AUTS2: variants seen among roughly 807,000 people sequenced by gnomAD.
The protein encoded by AUTS2 is activator of transcription and developmental regulator AUTS2, also known as autism susceptibility gene 2 protein.
AUTS2 carries 17 observed loss-of-function variants against 112.4 expected under a neutral mutation model. The ratio of observed to expected loss-of-function variants is 0.15; its 90% CI spans 0.10 to 0.23. The LOEUF is 0.23. AUTS2 is among the 10% of genes least tolerant of loss of function. AUTS2 has a pLI of 1.00. For missense variants in AUTS2, 1,510 were observed against 1,701.6 expected (o/e 0.89, Z 1.98); for synonymous variants, 751 against 702.7 (o/e 1.07, Z -1.09).
At chr7:70,742,303 G>A (rs1442004580) in intron 6 of AUTS2, among the ~76,000 whole-genome samples, 1 of 152,154 alleles carries the variant, frequency 6.6e-6, no homozygotes, top group African/African-American at 2.4e-5. Context: ...CCCGCCAGAG[G>A]AATATCTCAT....
chr7:69,722,576 T>G (rs562839395), intron 1 of AUTS2, among the ~76,000 whole-genome samples: 2 of 152,132 alleles, frequency 1.3e-5, no homozygotes, highest in African/African-American at 4.8e-5. Flanking sequence ...GCTCGAGTGA[T>G]CCGCCTGCCT....
At chr7:70,361,222 A>C (rs996507558) in intron 4 of AUTS2, among the ~76,000 whole-genome samples, 2 of 151,962 alleles carry the variant, frequency 1.3e-5, no homozygotes, top group African/African-American at 4.8e-5. Context: ...AGTCCCAGCT[A>C]CTCGGGAGGC....
chr7:70,175,549 T>G (rs952017110), intron 4 of AUTS2, among the ~76,000 whole-genome samples: 1 of 152,188 alleles, frequency 6.6e-6, no homozygotes, highest in African/African-American at 2.4e-5. Flanking sequence ...AAGAGTCAGT[T>G]GATGGAGCAA....
chr7:69,853,359 G>T (rs1749974079), intron 1 of AUTS2, among the ~76,000 whole-genome samples: 1 of 151,970 alleles, frequency 6.6e-6, no homozygotes, highest in Admixed American at 6.6e-5. Context: ...TTGATTGATT[G>T]ACTTACATAT....
intron 4 of AUTS2, among the ~76,000 whole-genome samples, chr7:70,182,739 G>A (rs990302034): frequency 7.9e-5 from 12 of 151,730 alleles, no homozygotes; most frequent in African/African-American, 2.4e-4. Flanking sequence ...AAGTGGGATA[G>A]GTTGAGAAGA....
intron 5 of AUTS2, among the ~76,000 whole-genome samples, chr7:70,693,721 C>T (rs1481220629): frequency 6.6e-6 from 1 of 152,264 alleles, no homozygotes; most frequent in Non-Finnish European, 1.5e-5. Flanking sequence ...ATGTGACTGG[C>T]TTGGTGGCAA....
intron 2 of AUTS2, among the ~76,000 whole-genome samples, chr7:69,985,861 T>A (rs1468325582): frequency 6.6e-6 from 1 of 152,074 alleles, no homozygotes; most frequent in African/African-American, 2.4e-5. Context: ...GTTCAAGTGA[T>A]CCTCCAGCCT....
At chr7:69,629,638 A>C (rs1406652330) in intron 1 of AUTS2, among the ~76,000 whole-genome samples, 1 of 152,154 alleles carries the variant, frequency 6.6e-6, no homozygotes, top group Non-Finnish European at 1.5e-5. Flanking sequence ...GTAATGTAGT[A>C]AATGTAATGG....
chr7:70,617,937 C>T (rs1804465453), intron 5 of AUTS2, among the ~76,000 whole-genome samples: 1 of 152,202 alleles, frequency 6.6e-6, no homozygotes. Context: ...CCCAGTATTT[C>T]TGATTGTCTT....
At chr7:70,339,293 T>G (rs896858717) in intron 4 of AUTS2, among the ~76,000 whole-genome samples, 5 of 152,224 alleles carry the variant, frequency 3.3e-5, no homozygotes, top group Admixed American at 2.6e-4. Context: ...ATTGTTATTA[T>G]CTCTTTGCAC....
intron 4 of AUTS2, among the ~76,000 whole-genome samples, chr7:70,406,005 T>A (rs905522516): frequency 6.6e-6 from 1 of 152,184 alleles, no homozygotes; most frequent in Non-Finnish European, 1.5e-5. Context: ...TTCATGGTGG[T>A]GGTGGCGGCC....
chr7:70,609,751 GA>G (rs2129533066), intron 5 of AUTS2, among the ~76,000 whole-genome samples: 1 of 152,086 alleles, frequency 6.6e-6, no homozygotes, highest in South Asian at 2.1e-4. Context: ...TTTTAAGACT[GA>G]ATAGGATCCA....
chr7:70,172,728 C>A (rs890058749), intron 4 of AUTS2, among the ~76,000 whole-genome samples: 1 of 152,144 alleles, frequency 6.6e-6, no homozygotes, highest in Non-Finnish European at 1.5e-5. Context: ...AGTGCTATTG[C>A]CTGCCAAAGC....
At chr7:70,689,372 C>A (rs551924892) in intron 5 of AUTS2, among the ~76,000 whole-genome samples, 19 of 152,026 alleles carry the variant, frequency 1.2e-4, no homozygotes, top group African/African-American at 4.3e-4. Context: ...TAGAGCAAGA[C>A]CCTATCTCAG....
chr7:70,183,821 TTCTG>T (rs1270097446), intron 4 of AUTS2, among the ~76,000 whole-genome samples: 4 of 148,880 alleles, frequency 2.7e-5, no homozygotes, highest in South Asian at 2.1e-4. Context: ...ATTGTCCTTT[TTCTG>T]TCTTTTTCTT....
intron 6 of AUTS2, among the ~76,000 whole-genome samples, chr7:70,702,401 C>T (rs6978189): frequency 0.1 from 15,487 of 152,228 alleles, 1,226 homozygotes; most frequent in East Asian, 0.42. Flanking sequence ...CACAGATAGA[C>T]GATGACAAGT....
At chr7:70,271,328 A>G (rs1435375528) in intron 4 of AUTS2, among the ~76,000 whole-genome samples, 1 of 152,134 alleles carries the variant, frequency 6.6e-6, no homozygotes, top group Non-Finnish European at 1.5e-5. Flanking sequence ...AGTCTTACCA[A>G]TTATTATTAA....
At chr7:70,254,125 GT>G (rs1398401337) in intron 4 of AUTS2, among the ~76,000 whole-genome samples, 1 of 152,064 alleles carries the variant, frequency 6.6e-6, no homozygotes, top group Admixed American at 6.5e-5. Flanking sequence ...ATTCTGTTTA[GT>G]TTTTAAATCG....
chr7:69,707,930 T>C (rs1370270554), intron 1 of AUTS2, among the ~76,000 whole-genome samples: 2 of 152,198 alleles, frequency 1.3e-5, no homozygotes, highest in Non-Finnish European at 2.9e-5. Context: ...ATCCATTTTA[T>C]GGTTTTGGCT....
Sources: allele counts gnomAD v4.1 joint callset (sites outside exome capture counted in the v4.1 genomes callset), GRCh38; gene constraint gnomAD v4.1.1; transcripts MANE v1.5; gene names NCBI Gene and HGNC (gene_info 2026-07-23, HGNC 2026-07-21).